SLC16A7: variants seen among roughly 807,000 people sequenced by gnomAD.
SLC16A7 encodes monocarboxylate transporter 2.
Under a neutral mutation model 34.9 loss-of-function variants are expected in SLC16A7, and 33 were observed. The observed-to-expected ratio is 0.94, with a 90% CI of 0.72 to 1.26. The LOEUF is 1.26. SLC16A7 is among the 50% of genes most tolerant of loss of function. SLC16A7 has a pLI of 0.00. For missense variants in SLC16A7, 573 were observed against 578.1 expected (o/e 0.99, Z 0.09); for synonymous variants, 201 against 206.6 (o/e 0.97, Z 0.23).
chr12:59,761,117 GT>G, intron 3 of SLC16A7: 2 of 1,251,024 alleles, frequency 1.6e-6, no homozygotes, highest in Non-Finnish European at 2.1e-6. Flanking sequence ...ATGTACTTGT[GT>G]TTACAGGTAG....
intron 2 of SLC16A7, among the ~76,000 whole-genome samples, chr12:59,702,687 C>T (rs145978608): frequency 2.0e-5 from 3 of 152,120 alleles, no homozygotes; most frequent in African/African-American, 4.8e-5. Context: ...AAAAATCTTT[C>T]AAGTTATTTT....
intron 1 of SLC16A7, among the ~76,000 whole-genome samples, chr12:59,651,437 G>A (rs1485161893): frequency 6.6e-6 from 1 of 152,038 alleles, no homozygotes; most frequent in African/African-American, 2.4e-5. Flanking sequence ...TTATTAAGGA[G>A]TACCATAGAA....
chr12:59,741,635 T>G (rs916680209), intron 3 of SLC16A7, among the ~76,000 whole-genome samples: 8 of 152,234 alleles, frequency 5.3e-5, no homozygotes, highest in African/African-American at 1.9e-4. Flanking sequence ...TTTAGAGTTC[T>G]TTCAAGAAGC....
At chr12:59,725,582 T>C (rs1210703193) in intron 3 of SLC16A7, among the ~76,000 whole-genome samples, 1 of 152,200 alleles carries the variant, frequency 6.6e-6, no homozygotes, top group Non-Finnish European at 1.5e-5. Flanking sequence ...AAATGACTTC[T>C]TTACTGCTTA....
intron 2 of SLC16A7, among the ~76,000 whole-genome samples, chr12:59,693,200 A>AT (rs1871884980): frequency 6.6e-6 from 1 of 151,950 alleles, no homozygotes. Context: ...ACTATTGATT[A>AT]TTTTGGGACT....
rs1448306644 is a variant in SLC16A7, at chr12:59,783,681, C to T, written c.*4002C>T. 1 of 143,664 alleles carries T rather than the reference C, an allele frequency of 7.0e-6. No homozygotes were observed. The highest frequency in any genetic ancestry group is 1.5e-5 in the Non-Finnish European group (1 of 66,912). 8.9% of individuals were successfully genotyped at this position (143,664 alleles called of 1,614,324 possible). A position where few individuals can be genotyped will look rare whatever the true frequency, so the allele number is the denominator to read the frequency against. On this transcript the variant is annotated 3_prime_UTR_variant, in exon 6 of 6. Coordinates refer to ENST00000547379, the MANE Select transcript of SLC16A7 (RefSeq NM_001270623.2). ...TTTTTTTTTTTTTGAGACTGAGTCT[C>T]GTTCTTGTCGCCCAGGCTGGCGTGC... is the stretch of plus-strand genomic sequence containing the variant.
chr12:59,647,731 G>T lies in SLC16A7; in HGVS notation c.-129-7421G>T, dbSNP rs541384984. 3.3e-5 allele frequency among the ~76,000 whole-genome samples: 5 copies of T among 152,146 alleles called. No homozygotes were observed. The South Asian group carries it at 1.0e-3, about 32-fold the overall frequency. On this transcript the variant is annotated intron_variant, in intron 1 of 5. Transcript: ENST00000547379. ...GTGGGAGTTCATGCCTGATCTGATG[G>T]CATTAATTTTTAATTTAAATAAGCC...
chr12:59,677,176 T>C (rs1224003861), intron 2 of SLC16A7, among the ~76,000 whole-genome samples: 1 of 152,162 alleles, frequency 6.6e-6, no homozygotes, highest in Non-Finnish European at 1.5e-5. Context: ...GTGAACTGCA[T>C]TTTCCTTTCT....
intron 1 of SLC16A7, among the ~76,000 whole-genome samples, chr12:59,616,376 G>C (rs1400408075): frequency 6.6e-6 from 1 of 152,026 alleles, no homozygotes; most frequent in Non-Finnish European, 1.5e-5. Context: ...AAAATCATTT[G>C]TCATGCAATA....
chr12:59,641,715 C>T (rs941685079), intron 1 of SLC16A7, among the ~76,000 whole-genome samples: 17 of 151,950 alleles, frequency 1.1e-4, no homozygotes, highest in African/African-American at 3.9e-4. Context: ...GTCACTGTTT[C>T]TTACATTTTC....
At chr12:59,657,588 A>G (rs973201886) in intron 2 of SLC16A7, among the ~76,000 whole-genome samples, 5 of 151,992 alleles carry the variant, frequency 3.3e-5, no homozygotes, top group Non-Finnish European at 5.9e-5. Flanking sequence ...AGAAATGACT[A>G]CTTTGGTCAG....
chr12:59,681,622 A>G (rs1450406880), intron 2 of SLC16A7, among the ~76,000 whole-genome samples: 1 of 152,182 alleles, frequency 6.6e-6, no homozygotes, highest in Non-Finnish European at 1.5e-5. Context: ...AAGCATGGGG[A>G]AGAGGATGGA....
intron 1 of SLC16A7, among the ~76,000 whole-genome samples, chr12:59,643,825 C>T (rs75082035): frequency 0.013 from 1,917 of 152,226 alleles, 45 homozygotes; most frequent in African/African-American, 0.043. Context: ...TGAAGAAAAT[C>T]GTGGTGTTAC....
chr12:59,740,064 C>G (rs71463223), intron 3 of SLC16A7, among the ~76,000 whole-genome samples: 17,654 of 150,202 alleles, frequency 0.12, 1,294 homozygotes, highest in African/African-American at 0.21. Flanking sequence ...TCCCATTTGT[C>G]AATTTTGGCT....
chr12:59,662,473 C>T (rs998804059), intron 2 of SLC16A7, among the ~76,000 whole-genome samples: 45 of 152,038 alleles, frequency 3.0e-4, no homozygotes, highest in Non-Finnish European at 5.1e-4. Flanking sequence ...AAAAAAATCT[C>T]GCATGATCCT....
intron 2 of SLC16A7, among the ~76,000 whole-genome samples, chr12:59,659,945 A>G (rs1868748889): frequency 1.3e-5 from 2 of 152,120 alleles, no homozygotes; most frequent in Non-Finnish European, 2.9e-5. Context: ...CATATAGTTG[A>G]GAAGCCTGGG....
At chr12:59,714,339 G>C (rs1337479027) in intron 3 of SLC16A7, among the ~76,000 whole-genome samples, 1 of 152,184 alleles carries the variant, frequency 6.6e-6, no homozygotes, top group Non-Finnish European at 1.5e-5. Flanking sequence ...ATGTTAGTCT[G>C]CTCTAGCTGC....
chr12:59,772,500 T>A (rs1882330989), intron 4 of SLC16A7, among the ~76,000 whole-genome samples: 1 of 151,976 alleles, frequency 6.6e-6, no homozygotes, highest in African/African-American at 2.4e-5. Flanking sequence ...CTTAGAATTG[T>A]ATTCCTTTGG....
chr12:59,759,009 G>A (rs574391881), intron 3 of SLC16A7, among the ~76,000 whole-genome samples: 1 of 148,022 alleles, frequency 6.8e-6, no homozygotes, highest in South Asian at 2.2e-4. Context: ...TCTTCTGTAT[G>A]GACTTTTTTT....
Sources: gnomAD v4.1 joint callset for allele counts (sites outside exome capture counted in the v4.1 genomes callset) on GRCh38, gnomAD v4.1.1 for gene constraint, MANE v1.5 for transcripts, NCBI Gene and HGNC (gene_info 2026-07-23, HGNC 2026-07-21) for gene names.